The following CEP85 variants were observed in gnomAD, a reference collection of about 807,000 sequenced individuals.
The protein encoded by CEP85 is centrosomal protein of 85 kDa.
In CEP85, 58 loss-of-function variants were observed where a neutral mutation model predicts 93.7. The ratio of observed to expected loss-of-function variants is 0.62; its 90% CI spans 0.50 to 0.77. CEP85 has a LOEUF of 0.77. Among genes scored for constraint, CEP85 ranks in the 30% least tolerant of loss-of-function variants. The probability of loss-of-function intolerance (pLI) is 0.00; values close to 1 mark genes in which losing one functional copy is unlikely to be tolerated. For missense variants in CEP85, 868 were observed against 922.0 expected (o/e 0.94, Z 0.76); for synonymous variants, 314 against 338.6 (o/e 0.93, Z 0.80).
intron 12 of CEP85, 35 bp from the exon 13 acceptor site, chr1:26,276,500 C>A: frequency 6.5e-7 from 1 of 1,530,296 alleles, no homozygotes; most frequent in Non-Finnish European, 9.1e-7. Context: ...TCTCCCTGGG[C>A]CTGAGTTAAT....
rs749075472 is a variant in CEP85 at position 26,268,549 on chromosome 1, C to T, written c.1408C>T (p.Arg470Trp). Residue 470 changes from arginine (R) to tryptophan (W), a missense_variant, in exon 8 of 14, where the codon CGG becomes TGG. Physicochemically the swap from Arg to Trp is moderately radical, Grantham distance 101 (BLOSUM62 -3). Coordinates refer to ENST00000451429, the MANE Select transcript of CEP85 (RefSeq NM_001319944.2). Reference protein sequence around the residue: ...KKCQKESEQNREKQQRIETLE... With the variant: ...KKCQKESEQNWEKQQRIETLE... ...ATGCCAGAAGGAATCAGAGCAGAAC[C>T]GGGAGAAGCAGCAGCGTATTGAGAC... The T allele has an allele frequency of 1.9e-6, 3 of 1,613,986 alleles. No homozygotes were observed. Among genetic ancestry groups the T allele is most frequent in the East Asian group, 4.5e-5 (2 of 44,872 alleles).
rs866882121 is a variant in CEP85 at position 26,248,872 on chromosome 1, A to G, written c.208+4554A>G. 3.2e-3 allele frequency among the ~76,000 whole-genome samples: 468 copies of G among 144,718 alleles called. 3 individuals carry two copies. Among genetic ancestry groups the G allele is most frequent in the African/African-American group, 0.012 (451 of 39,014 alleles). 94.9% of individuals were successfully genotyped at this position (144,718 alleles called of 152,430 possible). A position where few individuals can be genotyped will look rare whatever the true frequency, so the allele number is the denominator to read the frequency against. ...CTCCCAAGTAGCTGGTACTACAGGCACCCGCCACTACGCCCGGCTAATTTT... is the reference window on the plus strand; with the variant it reads ...CTCCCAAGTAGCTGGTACTACAGGCGCCCGCCACTACGCCCGGCTAATTTT... On this transcript the variant is annotated intron_variant, in intron 3 of 13. Transcript: ENST00000451429.
rs965196552 is a variant in CEP85, at chr1:26,277,143, C to G, written c.2136C>G (p.His712Gln). 1 of 1,613,496 alleles carries G rather than the reference C, an allele frequency of 6.2e-7. No homozygotes were observed. The highest frequency in any genetic ancestry group is 1.7e-5 in the Admixed American group (1 of 60,026). ...TGCTCTTCTCCCCAGCAGCACAGCA[C>G]CCAGAGACTCAGCTAGATTTGCAGA... ...LSLLLGIHSQ[H>Q]PETQLDLQKP... The change falls in exon 14 of 14, where the codon CAC becomes CAG. Residue 712 changes from histidine (H) to glutamine (Q), a missense_variant. By Grantham distance (24) the His-to-Gln change is conservative (BLOSUM62 0). Coordinates refer to ENST00000451429, the MANE Select transcript of CEP85 (RefSeq NM_001319944.2).
At chr1:26,257,520 C>A in intron 4 of CEP85, 77 bp from the exon 5 acceptor site, 1 of 1,556,200 alleles carries the variant, frequency 6.4e-7, no homozygotes, top group Admixed American at 1.8e-5. Context: ...GACTACAGAC[C>A]CAGCTGATTA....
intron 6 of CEP85, among the ~76,000 whole-genome samples, chr1:26,259,166 G>A (rs884533): frequency 5.3e-5 from 8 of 151,990 alleles, no homozygotes; most frequent in African/African-American, 1.9e-4. Flanking sequence ...ACTGATTAAA[G>A]AATTGAAACC....
chr1:26,269,509 A>AG lies in CEP85; in HGVS notation c.1545dup (p.Leu516AlafsTer35). 1 of 1,614,122 alleles carries AG rather than the reference A, an allele frequency of 6.2e-7. No individual in the cohort carries two copies. Among genetic ancestry groups the AG allele is most frequent in the Non-Finnish European group, 8.5e-7 (1 of 1,179,960 alleles). On this transcript the variant is annotated frameshift_variant, in exon 9 of 14. Coordinates refer to ENST00000451429, the MANE Select transcript of CEP85 (RefSeq NM_001319944.2). LOFTEE classifies it high-confidence loss of function. Reference sequence around the variant, plus strand: ...ACAGAGCTGCAGGAGAAAGTGACTGAGCTGGAGAGTTTGCTGGAGGAGACC... The same window carrying AG: ...ACAGAGCTGCAGGAGAAAGTGACTGAGGCTGGAGAGTTTGCTGGAGGAGACC...
Position 26,271,981 on chromosome 1 carries a change from C to A in CEP85, c.1744-40C>A, listed in dbSNP as rs1180828241. The A allele has an allele frequency of 4.4e-6, 7 of 1,606,658 alleles. No individual in the cohort carries two copies. In the African/African-American group the frequency reaches 8.0e-5, roughly 18 times the overall value. On this transcript the variant is annotated intron_variant, in intron 10 of 13. Transcript: ENST00000451429. Reference sequence around the variant, plus strand: ...CCTTGCCCTCTGTCCTCACCGTCAGCCTTGTGCTCGCAGCCTTCCTTGATA... The same window carrying A: ...CCTTGCCCTCTGTCCTCACCGTCAGACTTGTGCTCGCAGCCTTCCTTGATA...
chr1:26,269,525 G>A lies in CEP85; in HGVS notation c.1560G>A (p.Leu520=). The A allele has an allele frequency of 6.2e-7, 1 of 1,614,038 alleles. No individual in the cohort carries two copies. The change falls in exon 9 of 14, where the codon CTG becomes CTA. Residue 520 remains leucine, a synonymous_variant. Transcript: ENST00000451429. Reference sequence around the variant, plus strand: ...AAGTGACTGAGCTGGAGAGTTTGCTGGAGGAGACCCAGGCAATCTGCAGAG... The same window carrying A: ...AAGTGACTGAGCTGGAGAGTTTGCTAGAGGAGACCCAGGCAATCTGCAGAG... The part of the protein sequence containing the change: ...QEKVTELESL[L]EETQAICREK...
chr1:26,257,589 C>G lies in CEP85; in HGVS notation c.904-8C>G. 1 of 1,613,944 alleles carries G rather than the reference C, an allele frequency of 6.2e-7. No homozygotes were observed. On this transcript the variant is annotated splice_polypyrimidine_tract_variant and splice_region_variant and intron_variant, in intron 4 of 13. Transcript: ENST00000451429. Reference sequence around the variant, plus strand: ...GATCAAGCTCATCTGGGCCTACTTGCCTTTCAGCTTCAGAATGGAGCCATC... The same window carrying G: ...GATCAAGCTCATCTGGGCCTACTTGGCTTTCAGCTTCAGAATGGAGCCATC...
intron 2 of CEP85, among the ~76,000 whole-genome samples, chr1:26,243,106 G>C (rs2089453096): frequency 6.7e-6 from 1 of 149,444 alleles, no homozygotes; most frequent in African/African-American, 2.5e-5. Flanking sequence ...AGGGTACCCT[G>C]GTTCAGTGAA....
intron 1 of CEP85, among the ~76,000 whole-genome samples, chr1:26,239,177 T>C (rs1352960059): frequency 6.6e-6 from 1 of 152,190 alleles, no homozygotes; most frequent in Non-Finnish European, 1.5e-5. Context: ...TAGGACCGTA[T>C]GGAATCTGTA....
chr1:26,251,458 T>A (rs568192278), intron 3 of CEP85, among the ~76,000 whole-genome samples: 1 of 150,642 alleles, frequency 6.6e-6, no homozygotes, highest in African/African-American at 2.4e-5. Context: ...TCCACGTTGA[T>A]CAGGCTGGTC....
At chr1:26,244,881 AT>A (rs1173974008) in intron 3 of CEP85, among the ~76,000 whole-genome samples, 1 of 152,034 alleles carries the variant, frequency 6.6e-6, no homozygotes, top group African/African-American at 2.4e-5. Flanking sequence ...CTGCCAGATT[AT>A]TTTTGCTAAA....
chr1:26,250,925 CTTTTTTCTTTTTTTTTTT>C (rs1366017435), intron 3 of CEP85, among the ~76,000 whole-genome samples: 3 of 55,160 alleles, frequency 5.4e-5, no homozygotes, highest in East Asian at 5.8e-4. Flanking sequence ...TTTTTTTTTT[CTTTTTTCTTTTTTTTTTT>C]TTTTTTTTTT....
intron 1 of CEP85, among the ~76,000 whole-genome samples, chr1:26,237,153 C>A (rs1193308899): frequency 6.6e-6 from 1 of 152,032 alleles, no homozygotes; most frequent in African/African-American, 2.4e-5. Flanking sequence ...ATGCCATTGG[C>A]CAAGGGGAGG....
chr1:26,255,911 TTAGAA>T, intron 4 of CEP85, 46 bp downstream of exon 4: 1 of 1,469,318 alleles, frequency 6.8e-7, no homozygotes, highest in Non-Finnish European at 9.2e-7. Flanking sequence ...TGTACAGTTC[TTAGAA>T]TTGTAATAGC....
intron 4 of CEP85, among the ~76,000 whole-genome samples, chr1:26,256,539 A>T (rs1200791531): frequency 6.6e-6 from 1 of 151,928 alleles, no homozygotes; most frequent in East Asian, 1.9e-4. Flanking sequence ...TCAAAAAATA[A>T]ATAAATAAAT....
chr1:26,259,671 G>A lies in CEP85; in HGVS notation c.1210G>A (p.Ala404Thr). The A allele has an allele frequency of 2.5e-6, 4 of 1,614,060 alleles. No homozygotes were observed. The highest frequency in any genetic ancestry group is 2.5e-6 in the Non-Finnish European group (3 of 1,179,958). Residue 404 changes from alanine to threonine, a missense_variant, in exon 7 of 14, where the codon GCC (alanine) becomes ACC (threonine). Ala to Thr is a moderately conservative substitution (Grantham distance 58, BLOSUM62 0). Coordinates refer to ENST00000451429, the MANE Select transcript of CEP85 (RefSeq NM_001319944.2). ...TGCACAGTTTGCACAGAAGACAGAA[G>A]CCTTGAGCAGAGAAAAGATTGACCT... Reference protein sequence around the residue: ...LRAQFAQKTEALSREKIDLEK... With the variant: ...LRAQFAQKTETLSREKIDLEK...
chr1:26,255,752 T>G lies in CEP85; in HGVS notation c.790T>G (p.Ser264Ala). 2 of 1,614,154 alleles carry G rather than the reference T, an allele frequency of 1.2e-6. No individual in the cohort carries two copies. The highest frequency in any genetic ancestry group is 8.5e-7 in the Non-Finnish European group (1 of 1,180,014). ...TCCCGGGCTCTCCAAGCCTCTGCCC[T>G]CTCAGGTGTGGCAGCCGAGTCCTGA... is the stretch of plus-strand genomic sequence containing the variant. Reference protein sequence around the residue: ...PAPGLSKPLPSQVWQPSPDTW... With the variant: ...PAPGLSKPLPAQVWQPSPDTW... Residue 264 changes from serine (S) to alanine (A), a missense_variant, in exon 4 of 14, where the codon TCT becomes GCT. Coordinates refer to ENST00000451429, the MANE Select transcript of CEP85 (RefSeq NM_001319944.2).
Sources: allele counts gnomAD v4.1 joint callset (sites outside exome capture counted in the v4.1 genomes callset), GRCh38; gene constraint gnomAD v4.1.1; transcripts MANE v1.5; gene names NCBI Gene and HGNC (gene_info 2026-07-23, HGNC 2026-07-21).